The following GRID1 variants were observed in gnomAD, a reference collection of about 807,000 sequenced individuals.
GRID1 encodes glutamate receptor ionotropic, delta-1.
A neutral mutation model predicts 98.0 loss-of-function variants in GRID1; 28 were observed. The ratio of observed to expected loss-of-function variants is 0.29; its 90% CI spans 0.21 to 0.39. The LOEUF (loss-of-function observed/expected upper bound fraction) is 0.39, where lower values mean the gene tolerates loss of function less well. GRID1 is among the 10% of genes least tolerant of loss of function. GRID1 has a pLI of 1.00. For synonymous variants in GRID1, 553 were observed against 538.5 expected (o/e 1.03, Z -0.37); for missense variants, 1,111 against 1,340.5 (o/e 0.83, Z 2.67).
At chr10:85,963,374 A>G (rs964414379) in intron 4 of GRID1, among the ~76,000 whole-genome samples, 1 of 152,154 alleles carries the variant, frequency 6.6e-6, no homozygotes, top group Non-Finnish European at 1.5e-5. Flanking sequence ...TTAAGAAACC[A>G]GTCCTCTTTC....
chr10:85,827,102 G>T (rs61131091), intron 8 of GRID1, among the ~76,000 whole-genome samples: 1 of 152,092 alleles, frequency 6.6e-6, no homozygotes, highest in Non-Finnish European at 1.5e-5. Flanking sequence ...GCACTGGTTC[G>T]CCAGCAATGG....
intron 3 of GRID1, among the ~76,000 whole-genome samples, chr10:86,180,561 G>A (rs1483482604): frequency 1.3e-5 from 2 of 151,994 alleles, no homozygotes; most frequent in Non-Finnish European, 2.9e-5. Flanking sequence ...CCTGTCCCAA[G>A]CTGGGCTGGG....
At chr10:85,992,444 C>G (rs368863868) in intron 4 of GRID1, among the ~76,000 whole-genome samples, 2 of 152,024 alleles carry the variant, frequency 1.3e-5, no homozygotes. Context: ...TATCTTGAAG[C>G]CTCACTAAGA....
chr10:86,227,162 G>A lies in GRID1; in HGVS notation c.236-20514C>T, dbSNP rs576808206. On this transcript the variant is annotated intron_variant, in intron 2 of 15. Transcript: ENST00000327946. ...CAGCTTCCCAGTGGGGAAGAGGCTT[G>A]AGAGGAGGGACTGAGCCTGGGGAAA... 1.1e-3 allele frequency among the ~76,000 whole-genome samples: 173 copies of A among 152,344 alleles called. 1 individual carries two copies. The highest frequency in any genetic ancestry group is 3.9e-3 in the African/African-American group (164 of 41,584).
At chr10:86,141,387 A>G (rs1157434646) in intron 3 of GRID1, among the ~76,000 whole-genome samples, 1 of 152,218 alleles carries the variant, frequency 6.6e-6, no homozygotes, top group African/African-American at 2.4e-5. Flanking sequence ...TAGCAGGGCA[A>G]GTGTGCAGAG....
At chr10:85,882,905 G>C (rs1841055879) in intron 5 of GRID1, among the ~76,000 whole-genome samples, 1 of 151,998 alleles carries the variant, frequency 6.6e-6, no homozygotes, top group Non-Finnish European at 1.5e-5. Context: ...GCTATACCCA[G>C]ATATGGACTT....
intron 8 of GRID1, among the ~76,000 whole-genome samples, chr10:85,806,898 T>C (rs765179001): frequency 1.4e-4 from 22 of 152,166 alleles, no homozygotes; most frequent in Non-Finnish European, 2.9e-4. Flanking sequence ...AATCTAATCA[T>C]GCAATCAAAA....
chr10:85,882,387 T>G (rs1452654252), intron 5 of GRID1, among the ~76,000 whole-genome samples: 1 of 152,092 alleles, frequency 6.6e-6, no homozygotes, highest in Non-Finnish European at 1.5e-5. Flanking sequence ...TGTCCAACAA[T>G]GATAGACTGG....
chr10:86,094,824 G>T (rs1298378042), intron 4 of GRID1, among the ~76,000 whole-genome samples: 1 of 140,598 alleles, frequency 7.1e-6, no homozygotes, highest in African/African-American at 2.8e-5. Context: ...GTTCTTCACA[G>T]AATTAGAAAA....
intron 8 of GRID1, among the ~76,000 whole-genome samples, chr10:85,734,377 G>A (rs905745037): frequency 1.3e-5 from 2 of 152,064 alleles, no homozygotes; most frequent in Admixed American, 6.5e-5. Context: ...ACCTTAATAC[G>A]AGAAGGCCAT....
At chr10:85,893,308 C>T (rs1352334124) in intron 5 of GRID1, among the ~76,000 whole-genome samples, 1 of 152,084 alleles carries the variant, frequency 6.6e-6, no homozygotes, top group East Asian at 1.9e-4. Context: ...ATTTTTTCCC[C>T]TAAGAGCAGG....
intron 8 of GRID1, 57 bp downstream of exon 8, chr10:85,854,439 G>T (rs1843088798): frequency 1.3e-6 from 2 of 1,561,696 alleles, no homozygotes; most frequent in East Asian, 4.5e-5. Context: ...TGTAGCTGTT[G>T]CTGTCTTTGG....
chr10:86,105,521 T>C (rs925202592), intron 4 of GRID1, among the ~76,000 whole-genome samples: 3 of 152,214 alleles, frequency 2.0e-5, no homozygotes, highest in African/African-American at 7.2e-5. Context: ...CCTAGCCTTC[T>C]GAGGCACACA....
chr10:85,743,032 G>A (rs373508482), intron 8 of GRID1, among the ~76,000 whole-genome samples: 4 of 70,640 alleles, frequency 5.7e-5, no homozygotes, highest in Admixed American at 1.9e-4. Flanking sequence ...CCGACTCCCC[G>A]GCCCCCCACC....
At chr10:85,608,520 C>T (rs1564675978) in intron 15 of GRID1, among the ~76,000 whole-genome samples, 1 of 152,204 alleles carries the variant, frequency 6.6e-6, no homozygotes, top group Non-Finnish European at 1.5e-5. Flanking sequence ...CTCCTACTAC[C>T]AGATGAGCTA....
At chr10:86,046,215 G>A (rs183992736) in intron 4 of GRID1, among the ~76,000 whole-genome samples, 29 of 152,122 alleles carry the variant, frequency 1.9e-4, no homozygotes, top group Middle Eastern at 3.4e-3. Context: ...TGCATAAACC[G>A]CCCCCGAACC....
At chr10:85,616,695 C>T (rs192924520) in intron 14 of GRID1, among the ~76,000 whole-genome samples, 1 of 152,276 alleles carries the variant, frequency 6.6e-6, no homozygotes, top group East Asian at 1.9e-4. Flanking sequence ...TAAAACAAGT[C>T]ACGGGTACAA....
intron 8 of GRID1, among the ~76,000 whole-genome samples, chr10:85,755,620 G>A (rs776676734): frequency 7.2e-5 from 11 of 152,132 alleles, no homozygotes; most frequent in Non-Finnish European, 2.9e-5. Flanking sequence ...CTCTGCTGGC[G>A]TGAGAGCGTG....
At chr10:85,857,786 T>C (rs1184949211) in intron 6 of GRID1, among the ~76,000 whole-genome samples, 1 of 152,140 alleles carries the variant, frequency 6.6e-6, no homozygotes, top group Non-Finnish European at 1.5e-5. Context: ...ATAGGCTCCT[T>C]GGGCTGCAAA....
Sources: gnomAD v4.1 joint callset for allele counts (sites outside exome capture counted in the v4.1 genomes callset) on GRCh38, gnomAD v4.1.1 for gene constraint, MANE v1.5 for transcripts, NCBI Gene and HGNC (gene_info 2026-07-23, HGNC 2026-07-21) for gene names.